Variants in DLGAP2 observed in about 807,000 individuals in gnomAD.
DLGAP2 encodes the protein disks large-associated protein 2.
In DLGAP2, 26 loss-of-function variants were observed where a neutral mutation model predicts 100.3. The ratio of observed to expected loss-of-function variants is 0.26; its 90% CI spans 0.19 to 0.36. DLGAP2 has a LOEUF of 0.36. DLGAP2 is among the 10% of genes least tolerant of loss of function. DLGAP2 has a pLI of 1.00. For synonymous variants in DLGAP2, 886 were observed against 630.1 expected, an observed-to-expected ratio of 1.41 and a Z score of -6.08; for missense variants, 1,858 against 1,453.2, an observed-to-expected ratio of 1.28 and a Z score of -4.53.
At chr8:1,148,398 A>T (rs967508563) in intron 2 of DLGAP2, among the ~76,000 whole-genome samples, 1 of 151,782 alleles carries the variant, frequency 6.6e-6, no homozygotes, top group Non-Finnish European at 1.5e-5. Context: ...TCTTTTAAAG[A>T]ATAATATTTT....
At chr8:880,876 C>G (rs1797776273) in intron 1 of DLGAP2, among the ~76,000 whole-genome samples, 1 of 152,230 alleles carries the variant, frequency 6.6e-6, no homozygotes, top group Non-Finnish European at 1.5e-5. Context: ...GGGTGGGTGC[C>G]TCCTCCATGC....
At chr8:1,246,070 T>A (rs1358515630) in intron 2 of DLGAP2, among the ~76,000 whole-genome samples, 1 of 152,256 alleles carries the variant, frequency 6.6e-6, no homozygotes, top group Non-Finnish European at 1.5e-5. Context: ...TGTCTATATT[T>A]TAATACAGAG....
At chr8:1,377,206 G>A (rs927752347) in intron 3 of DLGAP2, among the ~76,000 whole-genome samples, 2 of 152,228 alleles carry the variant, frequency 1.3e-5, no homozygotes, top group African/African-American at 2.4e-5. Context: ...TGTAGGGTTA[G>A]GGCAGCAGAG....
rs1296330547 is a variant in DLGAP2, at chr8:1,126,880, G to A, written c.74-131971G>A. ...CTCACTGGATTGTCCCTGGGGAAAC[G>A]GGACTGCCCTCCAGCCAGCTCCTCC... On this transcript the variant is annotated intron_variant, in intron 2 of 14. Transcript: ENST00000637795. Among the ~76,000 whole-genome samples, 4 of 152,016 alleles carry A rather than the reference G, an allele frequency of 2.6e-5. No homozygotes were observed. In the South Asian group the frequency reaches 6.2e-4, roughly 24 times the overall value.
At chr8:1,009,882 T>C (rs1368148164) in intron 2 of DLGAP2, among the ~76,000 whole-genome samples, 1 of 152,184 alleles carries the variant, frequency 6.6e-6, no homozygotes, top group African/African-American at 2.4e-5. Flanking sequence ...AAATACCTCA[T>C]AGGAGATTGT....
At chr8:964,305 C>G (rs1048079328) in intron 2 of DLGAP2, among the ~76,000 whole-genome samples, 3 of 152,144 alleles carry the variant, frequency 2.0e-5, no homozygotes, top group Admixed American at 1.3e-4. Context: ...GGGCTATTCC[C>G]GCATGTTTTT....
chr8:1,495,201 T>C (rs1286739334), intron 3 of DLGAP2, among the ~76,000 whole-genome samples: 2 of 152,148 alleles, frequency 1.3e-5, no homozygotes, highest in Non-Finnish European at 2.9e-5. Flanking sequence ...AGTTGCCTGC[T>C]CGTGTGGTGG....
intron 2 of DLGAP2, among the ~76,000 whole-genome samples, chr8:1,088,654 C>G (rs1247654133): frequency 6.6e-6 from 1 of 151,894 alleles, no homozygotes; most frequent in Non-Finnish European, 1.5e-5. Context: ...ACTCTCTCCA[C>G]CCCTCATGCA....
intron 3 of DLGAP2, among the ~76,000 whole-genome samples, chr8:1,266,987 G>C (rs1563051477): frequency 1.3e-5 from 2 of 152,168 alleles, no homozygotes; most frequent in Non-Finnish European, 2.9e-5. Context: ...CCAGCACATT[G>C]GGAGGTCTAG....
intron 2 of DLGAP2, among the ~76,000 whole-genome samples, chr8:1,017,726 C>T (rs1008634587): frequency 3.3e-5 from 5 of 152,034 alleles, no homozygotes; most frequent in Non-Finnish European, 7.3e-5. Flanking sequence ...AGAAGCAGGA[C>T]GGGGACTGAC....
intron 3 of DLGAP2, among the ~76,000 whole-genome samples, chr8:1,325,362 C>T (rs1463280583): frequency 6.6e-6 from 1 of 152,202 alleles, no homozygotes; most frequent in Non-Finnish European, 1.5e-5. Context: ...CATCTGCCTG[C>T]AGGGGGCGTC....
intron 1 of DLGAP2, among the ~76,000 whole-genome samples, chr8:795,529 T>C (rs1796007415): frequency 6.6e-6 from 1 of 152,260 alleles, no homozygotes; most frequent in African/African-American, 2.4e-5. Flanking sequence ...ATGTGTGCAG[T>C]GTGCACTGAC....
At chr8:1,560,102 A>G (rs966634650) in intron 5 of DLGAP2, among the ~76,000 whole-genome samples, 2 of 152,260 alleles carry the variant, frequency 1.3e-5, no homozygotes, top group Non-Finnish European at 2.9e-5. Context: ...TACAAAAGTC[A>G]TATAGGGTTC....
chr8:1,675,401 G>C (rs4875887), intron 10 of DLGAP2, among the ~76,000 whole-genome samples: 1 of 152,008 alleles, frequency 6.6e-6, no homozygotes, highest in East Asian at 1.9e-4. Flanking sequence ...ATTGTGTGGA[G>C]TACACGTGAT....
chr8:1,448,768 G>A (rs751894446), intron 3 of DLGAP2, among the ~76,000 whole-genome samples: 4 of 152,022 alleles, frequency 2.6e-5, no homozygotes, highest in African/African-American at 7.2e-5. Context: ...CTGCATTCCC[G>A]TTCCCCTCAC....
intron 6 of DLGAP2, among the ~76,000 whole-genome samples, chr8:1,582,968 G>A (rs73174724): frequency 0.097 from 14,802 of 152,218 alleles, 1,007 homozygotes; most frequent in Non-Finnish European, 0.15. Context: ...CTGCATGACC[G>A]TGCATTTGCG....
At chr8:1,629,298 T>C (rs1234788607) in intron 7 of DLGAP2, among the ~76,000 whole-genome samples, 1 of 152,190 alleles carries the variant, frequency 6.6e-6, no homozygotes, top group Non-Finnish European at 1.5e-5. Context: ...AGAAATGGAA[T>C]TAAGTTCTCA....
At chr8:1,173,532 C>T (rs11774974) in intron 2 of DLGAP2, among the ~76,000 whole-genome samples, 56,301 of 152,040 alleles carry the variant, frequency 0.37, 12,334 homozygotes, top group Non-Finnish European at 0.49. Context: ...GTGGTGGGCT[C>T]CACCCAGTTG....
chr8:1,308,573 T>C (rs1022519891), intron 3 of DLGAP2, among the ~76,000 whole-genome samples: 1 of 152,264 alleles, frequency 6.6e-6, no homozygotes, highest in Admixed American at 6.5e-5. Context: ...TTGCCCAGGC[T>C]GGAGTGCAGT....
Sources: gnomAD v4.1 joint callset for allele counts (sites outside exome capture counted in the v4.1 genomes callset) on GRCh38, gnomAD v4.1.1 for gene constraint, MANE v1.5 for transcripts, NCBI Gene and HGNC (gene_info 2026-07-23, HGNC 2026-07-21) for gene names.